Variants in LRRC4C observed in about 807,000 individuals in gnomAD.
The protein encoded by LRRC4C is leucine rich repeat containing 4C.
LRRC4C carries 5 observed loss-of-function variants against 33.6 expected under a neutral mutation model. That is an observed-to-expected ratio of 0.15 (90% confidence interval 0.08 to 0.31). The LOEUF (loss-of-function observed/expected upper bound fraction) is 0.31, where lower values mean the gene tolerates loss of function less well. Among genes scored for constraint, LRRC4C ranks in the 10% least tolerant of loss-of-function variants. The probability of loss-of-function intolerance (pLI) is 1.00; values close to 1 mark genes in which losing one functional copy is unlikely to be tolerated. For synonymous variants in LRRC4C, 329 were observed against 302.0 expected, an observed-to-expected ratio of 1.09 and a Z score of -0.93; for missense variants, 560 against 796.7, an observed-to-expected ratio of 0.70 and a Z score of 3.58.
intron 2 of LRRC4C, among the ~76,000 whole-genome samples, chr11:40,854,456 A>AG (rs1953669457): frequency 5.9e-5 from 9 of 152,190 alleles, no homozygotes; most frequent in Admixed American, 5.9e-4. Context: ...GAGTTTGGCT[A>AG]GGGTCTTCAG....
At chr11:41,285,049 G>C (rs555827840) in intron 1 of LRRC4C, among the ~76,000 whole-genome samples, 56 of 152,210 alleles carry the variant, frequency 3.7e-4, no homozygotes, top group African/African-American at 1.3e-3. Context: ...TAAATACAAG[G>C]GGACCCAGGA....
chr11:41,436,375 G>T (rs1955429698), intron 1 of LRRC4C, among the ~76,000 whole-genome samples: 1 of 152,118 alleles, frequency 6.6e-6, no homozygotes, highest in Non-Finnish European at 1.5e-5. Context: ...TATTTCTCAA[G>T]ATATTTTGAT....
chr11:41,080,401 G>T (rs1245757633), intron 1 of LRRC4C, among the ~76,000 whole-genome samples: 2 of 147,376 alleles, frequency 1.4e-5, no homozygotes, highest in African/African-American at 5.0e-5. Flanking sequence ...GCCCAGGGTG[G>T]AGTGCAATGG....
chr11:40,789,658 G>A (rs1011165088), intron 2 of LRRC4C, among the ~76,000 whole-genome samples: 5 of 152,278 alleles, frequency 3.3e-5, no homozygotes, highest in Middle Eastern at 3.4e-3. Context: ...TATTGAGTCA[G>A]AGTTAAATAT....
At chr11:40,756,154 G>T (rs1012995755) in intron 2 of LRRC4C, among the ~76,000 whole-genome samples, 4 of 151,980 alleles carry the variant, frequency 2.6e-5, no homozygotes, top group Non-Finnish European at 5.9e-5. Flanking sequence ...GCACTTAGAG[G>T]AAACTAACGC....
chr11:41,009,173 T>G (rs538077896), intron 1 of LRRC4C, among the ~76,000 whole-genome samples: 1 of 152,148 alleles, frequency 6.6e-6, no homozygotes, highest in South Asian at 2.1e-4. Flanking sequence ...ACACATATTT[T>G]CTGATATATG....
rs12272375 is a variant in LRRC4C, at chr11:40,551,943, G to A, written c.-270+96199C>T. Among the ~76,000 whole-genome samples the A allele has an allele frequency of 6.8e-3, 1,042 of 152,300 alleles. 18 individuals carry two copies. The highest frequency in any genetic ancestry group is 0.024 in the African/African-American group (998 of 41,576). On this transcript the variant is annotated intron_variant, in intron 3 of 6. Transcript: ENST00000528697. ...TTTAAGTTAGTAGACTTTGAGTAGA[G>A]CAGTTTATTCTCCACAATATGAGTG...
chr11:40,519,981 T>C (rs922441284), intron 3 of LRRC4C, among the ~76,000 whole-genome samples: 1 of 152,190 alleles, frequency 6.6e-6, no homozygotes, highest in African/African-American at 2.4e-5. Context: ...ACTTTCATGA[T>C]ACAGAGAACT....
chr11:40,770,615 A>G (rs1207290150), intron 2 of LRRC4C, among the ~76,000 whole-genome samples: 2 of 152,214 alleles, frequency 1.3e-5, no homozygotes, highest in East Asian at 3.9e-4. Context: ...ATCTGAGACA[A>G]GACATTTCCT....
chr11:41,029,215 G>A (rs1856569784), intron 1 of LRRC4C, among the ~76,000 whole-genome samples: 1 of 151,746 alleles, frequency 6.6e-6, no homozygotes, highest in African/African-American at 2.4e-5. Context: ...TAGCATTTTT[G>A]TAAACCAGAT....
chr11:40,141,441 C>A (rs1857360722), intron 5 of LRRC4C, among the ~76,000 whole-genome samples: 1 of 152,114 alleles, frequency 6.6e-6, no homozygotes, highest in Non-Finnish European at 1.5e-5. Flanking sequence ...ATGTACAGTA[C>A]TTAAAGCAAA....
At chr11:40,795,527 C>A (rs968431080) in intron 2 of LRRC4C, among the ~76,000 whole-genome samples, 3 of 151,798 alleles carry the variant, frequency 2.0e-5, no homozygotes, top group African/African-American at 7.3e-5. Context: ...GAGACTCCGT[C>A]TCAAAATAAA....
At chr11:41,075,911 C>A (rs1052910690) in intron 1 of LRRC4C, among the ~76,000 whole-genome samples, 1 of 152,140 alleles carries the variant, frequency 6.6e-6, no homozygotes, top group Admixed American at 6.6e-5. Flanking sequence ...TCCTTCTAAT[C>A]TTCTTGAACA....
At chr11:40,472,450 C>A in intron 3 of LRRC4C, among the ~76,000 whole-genome samples, 1 of 71,302 alleles carries the variant, frequency 1.4e-5, no homozygotes, top group African/African-American at 4.9e-5. Context: ...CTCTGGGACA[C>A]AGCTAAAGAA....
At chr11:41,152,299 T>C (rs1944034783) in intron 1 of LRRC4C, among the ~76,000 whole-genome samples, 1 of 152,208 alleles carries the variant, frequency 6.6e-6, no homozygotes. Flanking sequence ...TCCAGAGTCA[T>C]AGAAGTAGCA....
chr11:40,754,809 A>AT (rs1033349131), intron 2 of LRRC4C, among the ~76,000 whole-genome samples: 7 of 151,604 alleles, frequency 4.6e-5, no homozygotes, highest in African/African-American at 1.7e-4. Flanking sequence ...TCATGCTCAC[A>AT]TTTTTTCCCC....
chr11:41,033,324 A>T (rs898826849), intron 1 of LRRC4C, among the ~76,000 whole-genome samples: 7 of 152,098 alleles, frequency 4.6e-5, no homozygotes, highest in Non-Finnish European at 5.9e-5. Context: ...TAAGCACTGA[A>T]CAGAGAAAAT....
chr11:41,285,029 G>A (rs1394021233), intron 1 of LRRC4C, among the ~76,000 whole-genome samples: 2 of 152,136 alleles, frequency 1.3e-5, no homozygotes, highest in African/African-American at 4.8e-5. Flanking sequence ...TATATTTATA[G>A]GGCTTATATT....
intron 1 of LRRC4C, among the ~76,000 whole-genome samples, chr11:41,242,636 C>T (rs76645448): frequency 0.043 from 6,492 of 152,114 alleles, 177 homozygotes; most frequent in South Asian, 0.065. Flanking sequence ...TCATGAGGTG[C>T]TAGTGCTGTG....
Sources: allele counts gnomAD v4.1 joint callset (sites outside exome capture counted in the v4.1 genomes callset), GRCh38; gene constraint gnomAD v4.1.1; transcripts MANE v1.5; gene names NCBI Gene and HGNC (gene_info 2026-07-23, HGNC 2026-07-21).